Variants in CDC14B observed in about 807,000 individuals in gnomAD.
The protein encoded by CDC14B is dual specificity protein phosphatase CDC14B.
CDC14B carries 22 observed loss-of-function variants against 64.2 expected under a neutral mutation model. The observed-to-expected ratio is 0.34, with a 90% CI of 0.24 to 0.49. The LOEUF (loss-of-function observed/expected upper bound fraction) is 0.49, where lower values mean the gene tolerates loss of function less well. Ranked by LOEUF, CDC14B falls within the 20% of genes least tolerant of loss-of-function variation. The pLI is 0.99. For missense variants in CDC14B, 498 were observed against 629.9 expected (o/e 0.79, Z 2.24); for synonymous variants, 191 against 215.8 (o/e 0.89, Z 1.01).
chr9:96,534,632 C>T, intron 7 of CDC14B, 90 bp from the exon 8 acceptor site: 1 of 831,012 alleles, frequency 1.2e-6, no homozygotes, highest in African/African-American at 1.7e-5. Context: ...GGACTTCAAA[C>T]TCATTTGCTT....
chr9:96,509,602 G>A, intron 13 of CDC14B, 71 bp downstream of exon 13: 1 of 878,478 alleles, frequency 1.1e-6, no homozygotes, highest in South Asian at 1.4e-5. Flanking sequence ...AGTCTCCAGA[G>A]GTAGGGTCCA....
intron 1 of CDC14B, among the ~76,000 whole-genome samples, chr9:96,574,699 A>G (rs979105731): frequency 2.1e-5 from 3 of 146,278 alleles, no homozygotes; most frequent in Non-Finnish European, 4.5e-5. Context: ...CGGTCTCACA[A>G]AAAAAAAAAA....
intron 1 of CDC14B, chr9:96,618,637 C>A: frequency 1.9e-6 from 1 of 528,122 alleles, no homozygotes; most frequent in South Asian, 1.4e-5. Context: ...GTTCGGGGGG[C>A]GCGCTAGGGG....
At chr9:96,596,816 G>A (rs888844218) in intron 1 of CDC14B, among the ~76,000 whole-genome samples, 3 of 150,374 alleles carry the variant, frequency 2.0e-5, no homozygotes, top group African/African-American at 4.9e-5. Context: ...CTATGATCAC[G>A]CCACTACACT....
chr9:96,503,902 C>T (rs993505344), intron 13 of CDC14B, 113 bp from the exon 14 acceptor site: 42 of 776,584 alleles, frequency 5.4e-5, no homozygotes, highest in South Asian at 2.3e-4. Context: ...AAAAAGTATA[C>T]GCTTGCTGTA....
chr9:96,545,411 G>T (rs1361057804), intron 5 of CDC14B, among the ~76,000 whole-genome samples: 1 of 150,232 alleles, frequency 6.7e-6, no homozygotes, highest in African/African-American at 2.4e-5. Context: ...TCCACCTCCT[G>T]GGTTCACAAC....
intron 11 of CDC14B, 137 bp downstream of exon 11, chr9:96,523,124 G>C (rs969244052): frequency 3.3e-6 from 3 of 921,976 alleles, no homozygotes; most frequent in Non-Finnish European, 4.9e-6. Flanking sequence ...AGTGCCTAGA[G>C]AGGGTTATAA....
At position 96,522,926 on chromosome 9, in the gene CDC14B, T is replaced by C. The variant is rs1836970194; in HGVS notation, c.1246-323A>G. ...GTACTGCTACCCCCTAAGCCTTTGA[T>C]TTGTTAAAAGCTCTCTATTTGAGAA... On this transcript the variant is annotated intron_variant, in intron 11 of 13. Transcript: ENST00000375241. Among the ~76,000 whole-genome samples, 4 of 152,224 alleles carry C rather than the reference T, an allele frequency of 2.6e-5. 1 individual carries two copies. The highest frequency in any genetic ancestry group is 2.6e-4 in the Admixed American group (4 of 15,288).
intron 5 of CDC14B, among the ~76,000 whole-genome samples, chr9:96,549,590 G>C (rs1369130224): frequency 2.0e-5 from 3 of 152,004 alleles, no homozygotes; most frequent in Non-Finnish European, 4.4e-5. Flanking sequence ...GCTTGAACTT[G>C]GGAGGCAGAG....
rs1463101620 is a variant in CDC14B, at chr9:96,619,271, C to G, written c.108G>C (p.Gln36His). 6.6e-6 allele frequency: 9 copies of G among 1,359,866 alleles called. No individual in the cohort carries two copies. The Admixed American group carries it at 8.4e-5, about 13-fold the overall frequency. The allele number at this position is 1,359,866 out of a possible 1,614,324, so 84.2% of individuals were successfully genotyped here. ...GGGGGTCCCGGCGGCGCGGGTCTTG[C>G]TGCGTGGAGCTGCGGATCTTCTTCA... is the stretch of plus-strand genomic sequence containing the variant. ...PGVKKIRSST[Q>H]QDPRRRDPQD... The change falls in exon 1 of 14, where the codon CAG (glutamine) becomes CAC (histidine). Residue 36 changes from glutamine (Q) to histidine (H), a missense_variant. Transcript: ENST00000375241.
chr9:96,509,722 T>G lies in CDC14B; in HGVS notation c.1411A>C (p.Ile471Leu). The change falls in exon 13 of 14, where the codon ATT becomes CTT. Residue 471 changes from isoleucine (I) to leucine (L), a missense_variant. Physicochemically the swap from Ile to Leu is conservative, Grantham distance 5 (BLOSUM62 2). Coordinates refer to ENST00000375241, the MANE Select transcript of CDC14B (RefSeq NM_033331.4). ...GCAGATCTGGTGGTTCTTTTAGTAATGCCTGCACTGCCAGAAATGTTAGGT... is the reference window on the plus strand; with the variant it reads ...GCAGATCTGGTGGTTCTTTTAGTAAGGCCTGCACTGCCAGAAATGTTAGGT... ...SEPNISGSAG[I>L]TKRTTRSASR... is the part of the protein sequence containing the mutation. The G allele has an allele frequency of 6.2e-7, 1 of 1,613,332 alleles. No individual in the cohort carries two copies. The highest frequency in any genetic ancestry group is 8.5e-7 in the Non-Finnish European group (1 of 1,179,302).
chr9:96,594,879 G>GC (rs1484788213), intron 1 of CDC14B, among the ~76,000 whole-genome samples: 1 of 152,082 alleles, frequency 6.6e-6, no homozygotes, highest in Non-Finnish European at 1.5e-5. Flanking sequence ...TTGGCTGGGC[G>GC]CGGTGGCTCA....
chr9:96,493,824 C>T (rs1393426401), intron 13 of CDC14B, among the ~76,000 whole-genome samples: 1 of 152,182 alleles, frequency 6.6e-6, no homozygotes, highest in East Asian at 1.9e-4. Flanking sequence ...AACTTCATCT[C>T]TTAAAAAAAG....
chr9:96,567,055 G>A (rs1188480060), intron 1 of CDC14B: 4 of 1,088,762 alleles, frequency 3.7e-6, no homozygotes, highest in East Asian at 2.9e-5. Context: ...ACAGCACCCC[G>A]CCCCACCTCC....
chr9:96,524,098 C>T (rs563669440), intron 9 of CDC14B, among the ~76,000 whole-genome samples: 1 of 152,286 alleles, frequency 6.6e-6, no homozygotes, highest in South Asian at 2.1e-4. Context: ...CCACCACAGC[C>T]GGCTAATGTC....
intron 9 of CDC14B, among the ~76,000 whole-genome samples, chr9:96,529,023 T>C (rs1208680561): frequency 2.6e-5 from 4 of 152,208 alleles, no homozygotes; most frequent in African/African-American, 9.6e-5. Context: ...TTTGCAAATA[T>C]TTTCTCCCAA....
At chr9:96,587,494 C>A (rs1845517902) in intron 1 of CDC14B, among the ~76,000 whole-genome samples, 1 of 152,224 alleles carries the variant, frequency 6.6e-6, no homozygotes, top group African/African-American at 2.4e-5. Context: ...GATCCCAGCA[C>A]CAGGCATCAC....
chr9:96,599,681 G>C (rs185741591), intron 1 of CDC14B, among the ~76,000 whole-genome samples: 4 of 152,182 alleles, frequency 2.6e-5, no homozygotes, highest in Admixed American at 2.0e-4. Flanking sequence ...GGCAACATAA[G>C]ATGCTTTCAT....
chr9:96,571,421 G>T (rs925477662), intron 1 of CDC14B, among the ~76,000 whole-genome samples: 1 of 152,044 alleles, frequency 6.6e-6, no homozygotes, highest in Non-Finnish European at 1.5e-5. Flanking sequence ...TGATCCGCCC[G>T]CCTCGGCCTC....
Sources: gnomAD v4.1 joint callset for allele counts (sites outside exome capture counted in the v4.1 genomes callset) on GRCh38, gnomAD v4.1.1 for gene constraint, MANE v1.5 for transcripts, NCBI Gene and HGNC (gene_info 2026-07-23, HGNC 2026-07-21) for gene names.